The following GPRC6A variants were observed in gnomAD, a reference collection of about 807,000 sequenced individuals.
GPRC6A encodes the protein G protein-coupled receptor family C group 6 member A.
Under a neutral mutation model 47.0 loss-of-function variants are expected in GPRC6A, and 54 were observed. The observed-to-expected ratio is 1.15, with a 90% CI of 0.92 to 1.44. The LOEUF (loss-of-function observed/expected upper bound fraction) is 1.44. Ranked by LOEUF, GPRC6A falls within the 40% of genes most tolerant of loss-of-function variation. GPRC6A has a pLI of 0.00. For missense variants in GPRC6A, 1,112 were observed against 1,105.5 expected (o/e 1.01, Z -0.08); for synonymous variants, 347 against 377.1 (o/e 0.92, Z 0.93).
At chr6:116,826,565 AGGAGAT>A (rs1773685189) in intron 1 of GPRC6A, among the ~76,000 whole-genome samples, 4 of 151,796 alleles carry the variant, frequency 2.6e-5, no homozygotes, top group African/African-American at 9.7e-5. Flanking sequence ...GATGCTGGCA[AGGAGAT>A]GCAGAAGAGG....
At chr6:116,800,829 A>T in intron 3 of GPRC6A, 33 bp from the exon 4 acceptor site, 1 of 1,340,388 alleles carries the variant, frequency 7.5e-7, no homozygotes, top group Non-Finnish European at 1.1e-6. Context: ...TAAGCACTTA[A>T]TATAAATGTT....
At chr6:116,829,173 A>G (rs969351792), upstream of GPRC6A, 34 of 698,494 alleles carry the variant, frequency 4.9e-5, no homozygotes, top group Admixed American at 7.6e-5. Context: ...GATAGTCAAA[A>G]CAGTTATTTC....
rs759196935 is a variant in GPRC6A, at chr6:116,792,159, TTTTTCGAGGCAAAG to T, written c.2750_2763del (p.Thr917LysfsTer10). 6.2e-7 allele frequency: 1 copy of T among 1,612,978 alleles called. No homozygotes were observed. The highest frequency in any genetic ancestry group is 8.5e-7 in the Non-Finnish European group (1 of 1,179,258). ...AGGCTTATTCATATACTTGACATTCTTTTTCGAGGCAAAGTTTTAGATACACTTGTGGCATTTTC... is the reference window on the plus strand; with the variant it reads ...AGGCTTATTCATATACTTGACATTCTTTTTAGATACACTTGTGGCATTTTC... On this transcript the variant is annotated frameshift_variant, in exon 6 of 6. Transcript: ENST00000310357. LOFTEE classifies it high-confidence loss of function.
chr6:116,814,699 C>T (rs1307981073), intron 1 of GPRC6A, among the ~76,000 whole-genome samples: 2 of 151,428 alleles, frequency 1.3e-5, no homozygotes, highest in African/African-American at 4.9e-5. Context: ...TCATGTATAC[C>T]TAAGTATCAA....
chr6:116,815,979 C>T (rs1032828782), intron 1 of GPRC6A, among the ~76,000 whole-genome samples: 3 of 152,178 alleles, frequency 2.0e-5, no homozygotes, highest in Non-Finnish European at 2.9e-5. Flanking sequence ...TGGGAGGTCT[C>T]AGGACATACA....
At position 116,795,953 on chromosome 6, in the gene GPRC6A, A is replaced by G. The variant is rs1319916492; in HGVS notation, c.1549-118T>C. ...CTAAATACTATTTTGGTCTTTTTTC[A>G]TAGGATTATAGAATCTTTTTGCCAT... On this transcript the variant is annotated intron_variant, in intron 4 of 5. Transcript: ENST00000310357. 3 of 595,926 alleles carry G rather than the reference A, an allele frequency of 5.0e-6. No homozygotes were observed. The East Asian group carries it at 8.8e-5, about 17-fold the overall frequency. The allele number at this position is 595,926 out of a possible 1,614,324, so 36.9% of individuals were successfully genotyped here.
chr6:116,801,886 C>A (rs932771659), intron 3 of GPRC6A, among the ~76,000 whole-genome samples: 1 of 151,900 alleles, frequency 6.6e-6, no homozygotes, highest in African/African-American at 2.4e-5. Flanking sequence ...TTTATTCTAG[C>A]AATTGCCTGG....
intron 1 of GPRC6A, among the ~76,000 whole-genome samples, chr6:116,822,907 A>G (rs924864819): frequency 1.3e-4 from 19 of 150,386 alleles, no homozygotes; most frequent in Non-Finnish European, 2.5e-4. Flanking sequence ...AAAAAAAAAA[A>G]AAGAAAGAAA....
chr6:116,817,632 A>G (rs1421372261), intron 1 of GPRC6A, among the ~76,000 whole-genome samples: 2 of 152,160 alleles, frequency 1.3e-5, no homozygotes, highest in Non-Finnish European at 2.9e-5. Context: ...GAAAACTTTG[A>G]AAAAAATTTA....
intron 2 of GPRC6A, 39 bp downstream of exon 2, chr6:116,809,275 G>A: frequency 6.6e-7 from 1 of 1,524,666 alleles, no homozygotes; most frequent in South Asian, 1.2e-5. Flanking sequence ...AATAACAAAT[G>A]TGATCAAAAG....
rs1478182208 is a variant in GPRC6A, at chr6:116,801,204, A to G, written c.1336-408T>C. Among the ~76,000 whole-genome samples the G allele has an allele frequency of 6.6e-5, 10 of 152,152 alleles. No individual in the cohort carries two copies. The East Asian group carries it at 1.5e-3, about 23-fold the overall frequency. ...GTTCTTAAGTTTGTTTCAATGATTG[A>G]GTATGTAGTAAAGTGATCTCTAAAT... is the stretch of plus-strand genomic sequence containing the variant. On this transcript the variant is annotated intron_variant, in intron 3 of 5. Coordinates refer to ENST00000310357, the MANE Select transcript of GPRC6A (RefSeq NM_148963.4).
At chr6:116,827,416 G>A (rs1487247748) in intron 1 of GPRC6A, among the ~76,000 whole-genome samples, 1 of 151,850 alleles carries the variant, frequency 6.6e-6, no homozygotes, top group Admixed American at 6.6e-5. Context: ...TAATATTTTC[G>A]GAGTCCAGCA....
chr6:116,793,218 T>C lies in GPRC6A; in HGVS notation c.1705A>G (p.Thr569Ala), dbSNP rs1772376346. The C allele has an allele frequency of 1.9e-6, 3 of 1,602,238 alleles. No homozygotes were observed. ...MPHCLLCNNK[T>A]HWAPVRSTMC... ...GTGCTCCTAACAGGGGCCCAGTGAG[T>C]TTTGTTGTTGCATAAAAGGCAGTGA... is the stretch of plus-strand genomic sequence containing the variant. Residue 569 changes from threonine (T) to alanine (A), a missense_variant, in exon 6 of 6, where the codon ACT (threonine) becomes GCT (alanine). By Grantham distance (58) the Thr-to-Ala change is moderately conservative. Coordinates refer to ENST00000310357, the MANE Select transcript of GPRC6A (RefSeq NM_148963.4).
At chr6:116,821,718 A>G (rs1330180549) in intron 1 of GPRC6A, among the ~76,000 whole-genome samples, 1 of 152,020 alleles carries the variant, frequency 6.6e-6, no homozygotes, top group Non-Finnish European at 1.5e-5. Flanking sequence ...TTCAACATGG[A>G]TTAAAGACTT....
intron 1 of GPRC6A, among the ~76,000 whole-genome samples, chr6:116,818,742 G>A (rs1453446513): frequency 4.6e-5 from 7 of 150,986 alleles, no homozygotes; most frequent in Non-Finnish European, 8.8e-5. Flanking sequence ...GGTACCAGCC[G>A]CTGCAAAATC....
intron 1 of GPRC6A, among the ~76,000 whole-genome samples, chr6:116,810,933 C>T (rs1248835750): frequency 1.3e-5 from 2 of 152,104 alleles, no homozygotes; most frequent in Non-Finnish European, 2.9e-5. Flanking sequence ...CAAGAAATCA[C>T]CAACCTGCTG....
At position 116,792,239 on chromosome 6, in the gene GPRC6A, C is replaced by A. The variant is rs1387667618; in HGVS notation, c.2684G>T (p.Ser895Ile). ...AAATGCTTGTGCCTGAAGATCTTTG[C>A]TTTTCTGCCAGGTTGCAGACTTGCC... ...SSGKSATWQKSKDLQAQAFAH... is the reference protein window; with the variant it reads ...SSGKSATWQKIKDLQAQAFAH... The change falls in exon 6 of 6, where the codon AGC becomes ATC. Residue 895 changes from serine (S) to isoleucine (I), a missense_variant. Coordinates refer to ENST00000310357, the MANE Select transcript of GPRC6A (RefSeq NM_148963.4). The A allele has an allele frequency of 6.2e-7, 1 of 1,613,996 alleles. No individual in the cohort carries two copies. The highest frequency in any genetic ancestry group is 8.5e-7 in the Non-Finnish European group (1 of 1,179,944).
Position 116,800,699 on chromosome 6 carries a change from A to G in GPRC6A, c.1433T>C (p.Leu478Pro). The part of the protein sequence containing the change: ...GDLNTGYDVV[L>P]WKEINGHMTV... ...CATGTGTCCATTGATCTCCTTCCAG[A>G]GCACAACATCATATCCAGTATTTAA... Residue 478 changes from leucine to proline, a missense_variant, in exon 4 of 6, where the codon CTC becomes CCC. By Grantham distance (98) the Leu-to-Pro change is moderately conservative. Transcript: ENST00000310357. 3 of 1,610,650 alleles carry G rather than the reference A, an allele frequency of 1.9e-6. No individual in the cohort carries two copies. The highest frequency in any genetic ancestry group is 1.7e-4 in the Middle Eastern group (1 of 6,054).
chr6:116,795,444 A>C (rs1772449758), intron 5 of GPRC6A, among the ~76,000 whole-genome samples: 1 of 152,210 alleles, frequency 6.6e-6, no homozygotes, highest in Non-Finnish European at 1.5e-5. Flanking sequence ...TAAGAGTTGC[A>C]TACTTTAAAA....
Sources: gnomAD v4.1 joint callset for allele counts (sites outside exome capture counted in the v4.1 genomes callset) on GRCh38, gnomAD v4.1.1 for gene constraint, MANE v1.5 for transcripts, NCBI Gene and HGNC (gene_info 2026-07-23, HGNC 2026-07-21) for gene names.